The following SCMH1 variants were observed in gnomAD, a reference collection of about 807,000 sequenced individuals.
The protein encoded by SCMH1 is Scm polycomb group protein homolog 1, also known as polycomb protein SCMH1.
SCMH1 carries 37 observed loss-of-function variants against 70.8 expected under a neutral mutation model. That is an observed-to-expected ratio of 0.52 (90% CI 0.40 to 0.69). The LOEUF (loss-of-function observed/expected upper bound fraction) is 0.69. SCMH1 is among the 30% of genes least tolerant of loss of function. The probability of loss-of-function intolerance (pLI) is 0.00; values close to 1 mark genes in which losing one functional copy is unlikely to be tolerated. For synonymous variants in SCMH1, 292 were observed against 307.4 expected (o/e 0.95, Z 0.52); for missense variants, 607 against 827.3 (o/e 0.73, Z 3.27).
At chr1:41,213,084 T>C (rs190355994) in intron 1 of SCMH1, among the ~76,000 whole-genome samples, 4 of 152,220 alleles carry the variant, frequency 2.6e-5, no homozygotes, top group Non-Finnish European at 4.4e-5. Context: ...AATAAATAAC[T>C]TGGTAAATAA....
intron 8 of SCMH1, among the ~76,000 whole-genome samples, chr1:41,089,466 T>TA (rs1232441655): frequency 6.6e-6 from 1 of 152,194 alleles, no homozygotes; most frequent in Non-Finnish European, 1.5e-5. Context: ...ATCTGATCGT[T>TA]TTTCATAAGT....
chr1:41,173,876 CAT>C (rs1234779310), intron 2 of SCMH1, among the ~76,000 whole-genome samples: 7 of 151,808 alleles, frequency 4.6e-5, no homozygotes, highest in Non-Finnish European at 4.4e-5. Context: ...AGAAATACCA[CAT>C]GTTTTTGGTC....
At chr1:41,047,206 G>T (rs916474251) in intron 11 of SCMH1, among the ~76,000 whole-genome samples, 1 of 152,100 alleles carries the variant, frequency 6.6e-6, no homozygotes. Context: ...GGGGAGATAG[G>T]TCATTCTCAA....
rs1431149074 is a variant in SCMH1 at position 41,037,546 on chromosome 1, A to G, written c.1499-5T>C. The G allele has an allele frequency of 6.2e-7, 1 of 1,613,232 alleles. No homozygotes were observed. Among genetic ancestry groups the G allele is most frequent in the Admixed American group, 1.7e-5 (1 of 59,942 alleles). On this transcript the variant is annotated splice_region_variant and splice_polypyrimidine_tract_variant and intron_variant, in intron 12 of 14. Coordinates refer to ENST00000337495, the Ensembl canonical transcript of SCMH1. ...TCCCCAGGACAAAGGTTTCACCTGA[A>G]AAACAGTAAAACCAGAGTTAGAGCT... is the stretch of plus-strand genomic sequence containing the variant.
intron 6 of SCMH1, among the ~76,000 whole-genome samples, chr1:41,138,892 C>A (rs1643769890): frequency 6.6e-6 from 1 of 151,964 alleles, no homozygotes; most frequent in Admixed American, 6.6e-5. Context: ...ATTTTCTCAC[C>A]ATTTTTATAT....
chr1:41,216,124 T>C (rs1423729644), intron 1 of SCMH1, among the ~76,000 whole-genome samples: 1 of 152,126 alleles, frequency 6.6e-6, no homozygotes, highest in Non-Finnish European at 1.5e-5. Flanking sequence ...CAAGACAAAT[T>C]GAAATGACAG....
At chr1:41,213,213 C>T (rs1228196095) in intron 1 of SCMH1, among the ~76,000 whole-genome samples, 1 of 152,064 alleles carries the variant, frequency 6.6e-6, no homozygotes, top group South Asian at 2.1e-4. Context: ...AGAAAAGTCC[C>T]AAAGAATCAA....
At chr1:41,224,240 T>C (rs1200101659) in intron 1 of SCMH1, among the ~76,000 whole-genome samples, 2 of 152,200 alleles carry the variant, frequency 1.3e-5, no homozygotes, top group African/African-American at 4.8e-5. Context: ...ATTATTGTGC[T>C]ATACTGTATT....
chr1:41,045,423 G>A lies in SCMH1; in HGVS notation c.1498+984C>T, dbSNP rs536204510. On this transcript the variant is annotated intron_variant, in intron 12 of 14. Coordinates refer to ENST00000337495, the Ensembl canonical transcript of SCMH1. ...ACAGAAGTATCTATGAGGGAAAGGG[G>A]GAAGGAGAATGGGGGAACAGTCACT... Among the ~76,000 whole-genome samples, 5 of 152,236 alleles carry A rather than the reference G, an allele frequency of 3.3e-5. No individual in the cohort carries two copies. The East Asian group carries it at 5.8e-4, about 18-fold the overall frequency.
chr1:41,110,301 TA>T (rs1668956393), intron 8 of SCMH1, among the ~76,000 whole-genome samples: 2 of 152,234 alleles, frequency 1.3e-5, no homozygotes, highest in Admixed American at 1.3e-4. Flanking sequence ...TAATTTTTTT[TA>T]GATAATAGCT....
At chr1:41,094,507 T>C (rs553216977) in intron 8 of SCMH1, among the ~76,000 whole-genome samples, 3 of 152,292 alleles carry the variant, frequency 2.0e-5, no homozygotes, top group Admixed American at 2.0e-4. Flanking sequence ...AAGCAAACTA[T>C]TGCTTTGGTG....
At chr1:41,191,030 G>C (rs975956486) in intron 1 of SCMH1, among the ~76,000 whole-genome samples, 1 of 152,146 alleles carries the variant, frequency 6.6e-6, no homozygotes, top group African/African-American at 2.4e-5. Flanking sequence ...GTGCATCAAT[G>C]CGCCTGGCTA....
At chr1:41,028,181 T>C in exon 15 of SCMH1, 1 of 1,614,074 alleles carries the variant, frequency 6.2e-7, no homozygotes, top group Non-Finnish European at 8.5e-7. Flanking sequence ...TTGTCTAGGC[T>C]GCCTCTCCTG....
At chr1:41,203,437 T>G (rs1654809346) in intron 1 of SCMH1, among the ~76,000 whole-genome samples, 1 of 152,162 alleles carries the variant, frequency 6.6e-6, no homozygotes, top group Non-Finnish European at 1.5e-5. Flanking sequence ...CTAAAGGAAA[T>G]ATAAAATTAA....
intron 1 of SCMH1, among the ~76,000 whole-genome samples, chr1:41,202,604 T>C (rs2148732511): frequency 6.6e-6 from 1 of 152,204 alleles, no homozygotes; most frequent in East Asian, 1.9e-4. Flanking sequence ...TTGTTAAATT[T>C]AGTGCAATTC....
chr1:41,121,453 G>C (rs1443872588), intron 6 of SCMH1, among the ~76,000 whole-genome samples: 2 of 152,168 alleles, frequency 1.3e-5, no homozygotes, highest in Admixed American at 1.3e-4. Context: ...ACTTGTGAAA[G>C]AGAGAAAAGA....
rs371965681 is a variant in SCMH1, at chr1:41,052,139, A to T, written c.1106-3249T>A. 2.6e-5 allele frequency among the ~76,000 whole-genome samples: 4 copies of T among 152,324 alleles called. No individual in the cohort carries two copies. In the East Asian group the frequency reaches 5.8e-4, roughly 22 times the overall value. On this transcript the variant is annotated intron_variant, in intron 10 of 14. Coordinates refer to ENST00000337495, the Ensembl canonical transcript of SCMH1. ...ATGCTATACAGGTTTGTAGCCTAGGAGCAATGGGCTATACCATCTAGGTTT... is the reference window on the plus strand; with the variant it reads ...ATGCTATACAGGTTTGTAGCCTAGGTGCAATGGGCTATACCATCTAGGTTT...
intron 10 of SCMH1, among the ~76,000 whole-genome samples, chr1:41,054,414 C>A (rs1649459480): frequency 6.6e-6 from 1 of 152,282 alleles, no homozygotes; most frequent in South Asian, 2.1e-4. Context: ...CCTCCACATA[C>A]CCCCAGGACT....
intron 9 of SCMH1, among the ~76,000 whole-genome samples, chr1:41,073,172 C>T (rs1657108720): frequency 6.6e-6 from 1 of 152,208 alleles, no homozygotes; most frequent in South Asian, 2.1e-4. Flanking sequence ...CTAATTCCCT[C>T]TCCCTAAAAG....
Sources: gnomAD v4.1 joint callset for allele counts (sites outside exome capture counted in the v4.1 genomes callset) on GRCh38, gnomAD v4.1.1 for gene constraint, MANE v1.5 for transcripts, NCBI Gene and HGNC (gene_info 2026-07-23, HGNC 2026-07-21) for gene names.